Variants in MACF1 observed in about 807,000 individuals in gnomAD.
MACF1 encodes microtubule-actin cross-linking factor 1.
Under a neutral mutation model 854.8 loss-of-function variants are expected in MACF1, and 193 were observed. The observed-to-expected ratio is 0.23, with a 90% confidence interval of 0.20 to 0.25. The LOEUF (loss-of-function observed/expected upper bound fraction) is 0.25. MACF1 is among the 10% of genes least tolerant of loss of function. MACF1 has a pLI of 1.00. For synonymous variants in MACF1, 3,185 were observed against 3,226.7 expected (o/e 0.99, Z 0.44); for missense variants, 7,722 against 8,929.1 (o/e 0.86, Z 5.45).
At chr1:39,250,568 A>G (rs116025547) in intron 3 of MACF1, among the ~76,000 whole-genome samples, 3,044 of 152,280 alleles carry the variant, frequency 0.02, 110 homozygotes, top group African/African-American at 0.07. Context: ...GCCCAGGTGT[A>G]TGAAGTTATT....
intron 23 of MACF1, among the ~76,000 whole-genome samples, chr1:39,308,688 T>C (rs1330634318): frequency 2.0e-5 from 3 of 151,782 alleles, no homozygotes; most frequent in Non-Finnish European, 4.4e-5. Flanking sequence ...GGAGTTCTGC[T>C]CTTGTTGCCC....
At chr1:39,362,039 C>A (rs1648229369) in intron 49 of MACF1, among the ~76,000 whole-genome samples, 1 of 152,150 alleles carries the variant, frequency 6.6e-6, no homozygotes, top group Admixed American at 6.5e-5. Context: ...AGTCAAAGCA[C>A]TTTCCACAAA....
At chr1:39,357,270 T>C in intron 44 of MACF1, 105 bp from the exon 45 acceptor site, 2 of 1,267,548 alleles carry the variant, frequency 1.6e-6, no homozygotes, top group African/African-American at 1.5e-5. Context: ...CAAGGCTGAA[T>C]GTAAGCAGAC....
rs1646813560 is a variant in MACF1 at position 39,336,572 on chromosome 1, C to T, written c.9984C>T (p.Gly3328=). The change falls in exon 37 of 101, where the codon GGC becomes GGT. Residue 3328 remains glycine, a synonymous_variant. Transcript: ENST00000564288. The part of the protein sequence containing the change: ...TPQEKLRESP[G]SEQTPFMTAP... Reference sequence around the variant, plus strand: ...AGGAAAAGCTCAGAGAAAGCCCTGGCAGTGAACAAACTCCCTTCATGACTG... The same window carrying T: ...AGGAAAAGCTCAGAGAAAGCCCTGGTAGTGAACAAACTCCCTTCATGACTG... The T allele has an allele frequency of 6.2e-7, 1 of 1,613,882 alleles. No homozygotes were observed. Among genetic ancestry groups the T allele is most frequent in the African/African-American group, 1.3e-5 (1 of 74,892 alleles).
chr1:39,396,552 A>G (rs1642282759), intron 58 of MACF1, among the ~76,000 whole-genome samples: 1 of 152,198 alleles, frequency 6.6e-6, no homozygotes, highest in Non-Finnish European at 1.5e-5. Flanking sequence ...AAACATGGTT[A>G]AGATAAGCAC....
At chr1:39,479,358 G>A (rs986197235) in intron 97 of MACF1, among the ~76,000 whole-genome samples, 1 of 152,016 alleles carries the variant, frequency 6.6e-6, no homozygotes, top group Non-Finnish European at 1.5e-5. Flanking sequence ...AGACAATATC[G>A]ATTTCAGTAA....
Position 39,485,542 on chromosome 1 carries a change from T to C in MACF1, c.22416T>C (p.Pro7472=), listed in dbSNP as rs1428185212. The part of the protein sequence containing the change: ...STGAKTNRAD[P]KKSASRPGSR... ...TGTTTTATTCTTGAATTCCAGACCCTAAAAAGTCTGCCAGTCGCCCTGGGA... is the reference window on the plus strand; with the variant it reads ...TGTTTTATTCTTGAATTCCAGACCCCAAAAAGTCTGCCAGTCGCCCTGGGA... Residue 7472 remains proline, a synonymous_variant, in exon 101 of 101, where the codon CCT becomes CCC. Transcript: ENST00000564288. 1 of 1,611,832 alleles carries C rather than the reference T, an allele frequency of 6.2e-7. No individual in the cohort carries two copies. The highest frequency in any genetic ancestry group is 2.2e-5 in the East Asian group (1 of 44,834).
Position 39,380,303 on chromosome 1 carries a change from G to T in MACF1, c.13578G>T (p.Leu4526=). 6.2e-7 allele frequency: 1 copy of T among 1,613,646 alleles called. No individual in the cohort carries two copies. Among genetic ancestry groups the T allele is most frequent in the Non-Finnish European group, 8.5e-7 (1 of 1,179,784 alleles). ...AAATTCAAAAAGTAAAGGAAGCCCTGGCTGGATTACTGGTGACATATCCCA... is the reference window on the plus strand; with the variant it reads ...AAATTCAAAAAGTAAAGGAAGCCCTTGCTGGATTACTGGTGACATATCCCA... ...SPKIQKVKEA[L]AGLLVTYPNS... The change falls in exon 55 of 101, where the codon CTG becomes CTT. Residue 4526 remains leucine, a synonymous_variant. Coordinates refer to ENST00000564288, the MANE Select transcript of MACF1 (RefSeq NM_001394062.1).
chr1:39,204,154 A>T (rs965989943), upstream of MACF1: 3 of 152,192 alleles, frequency 2.0e-5, no homozygotes, highest in African/African-American at 7.2e-5. Flanking sequence ...TCCACCTGTA[A>T]TCCCAGCTAC....
At chr1:39,346,559 A>C (rs1292356468) in intron 40 of MACF1, among the ~76,000 whole-genome samples, 2 of 145,416 alleles carry the variant, frequency 1.4e-5, no homozygotes, top group East Asian at 2.0e-4. Flanking sequence ...TCGCTCTGTC[A>C]CCCAGGCTGG....
intron 2 of MACF1, among the ~76,000 whole-genome samples, chr1:39,171,869 G>T (rs936039671): frequency 1.3e-5 from 2 of 151,818 alleles, no homozygotes; most frequent in East Asian, 1.9e-4. Flanking sequence ...CTCGTGATCC[G>T]CCCGCCTCAG....
intron 2 of MACF1, among the ~76,000 whole-genome samples, chr1:39,157,668 G>A (rs192596868): frequency 2.0e-5 from 3 of 152,288 alleles, no homozygotes; most frequent in African/African-American, 7.2e-5. Flanking sequence ...TCATTGGCAT[G>A]ATGTGTGACT....
chr1:39,114,861 A>G (rs1642506727), intron 2 of MACF1, among the ~76,000 whole-genome samples: 1 of 152,192 alleles, frequency 6.6e-6, no homozygotes, highest in Non-Finnish European at 1.5e-5. Flanking sequence ...GAAGGCATCC[A>G]AGAGTAAGTG....
chr1:39,285,350 G>A lies in MACF1; in HGVS notation c.1313G>A (p.Cys438Tyr), dbSNP rs756665417. Residue 438 changes from cysteine (C) to tyrosine (Y), a missense_variant, in exon 13 of 101, where the codon TGT becomes TAT. Transcript: ENST00000564288. ...ANKIQNGALN[C>Y]EEKLTLAKNT... Reference sequence around the variant, plus strand: ...AAAATCCAGAATGGTGCTTTGAACTGTGAAGAAAAACTGACACTAGCTAAG... The same window carrying A: ...AAAATCCAGAATGGTGCTTTGAACTATGAAGAAAAACTGACACTAGCTAAG... 10 of 1,614,058 alleles carry A rather than the reference G, an allele frequency of 6.2e-6. No individual in the cohort carries two copies. The highest frequency in any genetic ancestry group is 7.6e-6 in the Non-Finnish European group (9 of 1,180,040).
chr1:39,476,303 G>A (rs916122890), intron 97 of MACF1, among the ~76,000 whole-genome samples: 2 of 152,168 alleles, frequency 1.3e-5, no homozygotes, highest in African/African-American at 4.8e-5. Flanking sequence ...GGGCGCGGTG[G>A]CTCATGCCTG....
chr1:39,485,814 A>G lies in MACF1; in HGVS notation c.*20A>G. 1.3e-6 allele frequency: 2 copies of G among 1,557,718 alleles called. No homozygotes were observed. The highest frequency in any genetic ancestry group is 1.4e-5 in the African/African-American group (1 of 73,384). On this transcript the variant is annotated 3_prime_UTR_variant, in exon 101 of 101. Transcript: ENST00000564288. ...CGATAACACTGTCTAAGCACCCCCAAGCCACTATCCACTTTGAATCCTGCT... is the reference window on the plus strand; with the variant it reads ...CGATAACACTGTCTAAGCACCCCCAGGCCACTATCCACTTTGAATCCTGCT...
chr1:39,372,836 A>T, intron 52 of MACF1: 1 of 405,262 alleles, frequency 2.5e-6, no homozygotes, highest in Non-Finnish European at 4.5e-6. Flanking sequence ...TCCCACTTAG[A>T]ACTATCAAAT....
At chr1:39,414,471 A>G in intron 58 of MACF1, 1 of 1,614,032 alleles carries the variant, frequency 6.2e-7, no homozygotes. Context: ...GATTAAATTC[A>G]GATGAGGTAA....
At chr1:39,189,969 T>C (rs930103307) in intron 2 of MACF1, among the ~76,000 whole-genome samples, 1 of 152,202 alleles carries the variant, frequency 6.6e-6, no homozygotes, top group African/African-American at 2.4e-5. Flanking sequence ...GAAAAGAATT[T>C]AGAGATCTAG....
Sources: allele counts gnomAD v4.1 joint callset (sites outside exome capture counted in the v4.1 genomes callset), GRCh38; gene constraint gnomAD v4.1.1; transcripts MANE v1.5; gene names NCBI Gene and HGNC (gene_info 2026-07-23, HGNC 2026-07-21).